Variants in CA10 observed in about 807,000 individuals in gnomAD.
The protein encoded by CA10 is carbonic anhydrase 10 (inactive).
In CA10, 14 loss-of-function variants were observed where a neutral mutation model predicts 44.2. The ratio of observed to expected loss-of-function variants is 0.32; its 90% CI spans 0.21 to 0.50. CA10 has a LOEUF of 0.50. CA10 is among the 20% of genes least tolerant of loss of function. The probability of loss-of-function intolerance (pLI) is 0.99; values close to 1 mark genes in which losing one functional copy is unlikely to be tolerated. For synonymous variants in CA10, 159 were observed against 141.6 expected (o/e 1.12, Z -0.87); for missense variants, 350 against 409.7 (o/e 0.85, Z 1.26).
chr17:52,118,396 C>T (rs926619135), intron 1 of CA10, among the ~76,000 whole-genome samples: 15 of 152,094 alleles, frequency 9.9e-5, no homozygotes, highest in Admixed American at 7.9e-4. Flanking sequence ...CCTAAGTCAT[C>T]GTTTTGGCAA....
chr17:51,708,911 C>G (rs956549776), intron 4 of CA10, among the ~76,000 whole-genome samples: 1 of 152,234 alleles, frequency 6.6e-6, no homozygotes, highest in African/African-American at 2.4e-5. Flanking sequence ...GAAAGCTGCA[C>G]TCTGTCATCT....
At chr17:51,748,746 C>A (rs955336832) in intron 3 of CA10, among the ~76,000 whole-genome samples, 4 of 152,190 alleles carry the variant, frequency 2.6e-5, no homozygotes, top group African/African-American at 9.7e-5. Flanking sequence ...GCCAAGCCTT[C>A]AGCCCTAGTG....
chr17:51,868,654 C>T (rs1979660385), intron 3 of CA10, among the ~76,000 whole-genome samples: 1 of 152,098 alleles, frequency 6.6e-6, no homozygotes, highest in Non-Finnish European at 1.5e-5. Flanking sequence ...GTTTTTTTCT[C>T]TCCCTAGTCC....
chr17:51,648,778 G>A (rs542106689), intron 6 of CA10, among the ~76,000 whole-genome samples: 1 of 152,252 alleles, frequency 6.6e-6, no homozygotes, highest in South Asian at 2.1e-4. Context: ...ACAGAGAAAT[G>A]GTCTAGCCGA....
chr17:51,785,618 T>A (rs1917995), intron 3 of CA10, among the ~76,000 whole-genome samples: 114,761 of 152,104 alleles, frequency 0.75, 43,609 homozygotes, highest in East Asian at 0.91. Flanking sequence ...GGTTCCTCAA[T>A]AAAAACCAAA....
intron 4 of CA10, among the ~76,000 whole-genome samples, chr17:51,694,254 T>G (rs1915325355): frequency 3.3e-5 from 5 of 152,078 alleles, no homozygotes; most frequent in African/African-American, 9.7e-5. Flanking sequence ...GTGGCAGAAC[T>G]AATTTACATT....
In CA10 at chr17:52,102,314, A is replaced by T. The variant is rs150839990; in HGVS notation, c.62-29921T>A. Among the ~76,000 whole-genome samples, 29 of 152,290 alleles carry T rather than the reference A, an allele frequency of 1.9e-4. No individual in the cohort carries two copies. In the East Asian group the frequency reaches 5.4e-3, roughly 28 times the overall value. On this transcript the variant is annotated intron_variant, in intron 1 of 8. Transcript: ENST00000451037. ...GTCCTTGAGGTCTCTACCTTTTCTCATCTCCTTAGTAAACAACTTTGCTGA... is the reference window on the plus strand; with the variant it reads ...GTCCTTGAGGTCTCTACCTTTTCTCTTCTCCTTAGTAAACAACTTTGCTGA...
rs78364629 is a variant in CA10, at chr17:51,646,289, A to T, written c.634+2893T>A. The stretch of plus-strand genomic sequence containing the variant: ...CGTGAGCACTAGGTAAGGAGCCTGT[A>T]TGTAAAGCATAGACCTTGGTGTGTG... On this transcript the variant is annotated intron_variant, in intron 6 of 8. Coordinates refer to ENST00000451037, the MANE Select transcript of CA10 (RefSeq NM_020178.5). Among the ~76,000 whole-genome samples the T allele has an allele frequency of 4.1e-3, 630 of 152,324 alleles. 5 individuals carry two copies. The highest frequency in any genetic ancestry group is 0.014 in the African/African-American group (588 of 41,566).
intron 8 of CA10, 55 bp from the exon 9 acceptor site, chr17:51,631,661 T>G: frequency 3.5e-6 from 5 of 1,448,132 alleles, no homozygotes; most frequent in Non-Finnish European, 4.8e-6. Context: ...AAACGAGGCA[T>G]ACTCAATTAA....
Position 51,827,203 on chromosome 17 carries a change from A to C in CA10, c.280-79385T>G, listed in dbSNP as rs576720026. On this transcript the variant is annotated intron_variant, in intron 3 of 8. Coordinates refer to ENST00000451037, the MANE Select transcript of CA10 (RefSeq NM_020178.5). ...AGTAGTGACATAAAAATTATTTTCC[A>C]ATACCTTTGGGAGACACAAAGTTAA... 3.4e-4 allele frequency among the ~76,000 whole-genome samples: 52 copies of C among 152,264 alleles called. 1 individual carries two copies. The highest frequency in any genetic ancestry group is 1.2e-3 in the African/African-American group (51 of 41,546).
At chr17:51,876,283 C>T (rs572273355) in intron 3 of CA10, among the ~76,000 whole-genome samples, 4 of 149,674 alleles carry the variant, frequency 2.7e-5, no homozygotes, top group South Asian at 4.3e-4. Flanking sequence ...CCTCCCACCT[C>T]GGCCTCTTGA....
intron 2 of CA10, among the ~76,000 whole-genome samples, chr17:51,934,718 G>T (rs1016129163): frequency 9.2e-5 from 14 of 152,086 alleles, no homozygotes; most frequent in African/African-American, 3.4e-4. Flanking sequence ...CACACAAAGA[G>T]CTGCTCCAGG....
chr17:51,864,023 C>T (rs2143846497), intron 3 of CA10, among the ~76,000 whole-genome samples: 1 of 152,250 alleles, frequency 6.6e-6, no homozygotes, highest in East Asian at 1.9e-4. Flanking sequence ...CAGCTCAAAG[C>T]CCCAGCCTTC....
chr17:51,860,737 G>A (rs1162270501), intron 3 of CA10, among the ~76,000 whole-genome samples: 1 of 152,076 alleles, frequency 6.6e-6, no homozygotes, highest in Admixed American at 6.6e-5. Flanking sequence ...TCTGCTATGT[G>A]TCTATAATAA....
intron 1 of CA10, among the ~76,000 whole-genome samples, chr17:52,074,537 C>T (rs917150890): frequency 1.3e-5 from 2 of 152,092 alleles, no homozygotes; most frequent in African/African-American, 4.8e-5. Flanking sequence ...CTTTATTCTA[C>T]GAGACAGTCA....
chr17:51,666,419 G>A (rs546293342), intron 4 of CA10, among the ~76,000 whole-genome samples: 2 of 152,310 alleles, frequency 1.3e-5, no homozygotes, highest in South Asian at 4.1e-4. Flanking sequence ...GAAGGGGGTT[G>A]TACGTGCAGG....
rs139762793 is a variant in CA10 at position 51,688,484 on chromosome 17, T to C, written c.466-34748A>G. On this transcript the variant is annotated intron_variant, in intron 4 of 8. Coordinates refer to ENST00000451037, the MANE Select transcript of CA10 (RefSeq NM_020178.5). ...TTAACCACTAAACATCTCTAAGCTT[T>C]AGCTTTCTTGTCTATAACATAGAAA... is the stretch of plus-strand genomic sequence containing the variant. 2.8e-3 allele frequency among the ~76,000 whole-genome samples: 429 copies of C among 152,354 alleles called. 2 individuals are homozygous for C. Among genetic ancestry groups the C allele is most frequent in the Non-Finnish European group, 4.5e-3 (308 of 68,024 alleles).
At chr17:51,768,321 C>T (rs753612025) in intron 3 of CA10, among the ~76,000 whole-genome samples, 1 of 152,074 alleles carries the variant, frequency 6.6e-6, no homozygotes. Flanking sequence ...CTTTCAAAAG[C>T]GACTCTCCAT....
chr17:51,682,019 C>A (rs1342644528), intron 4 of CA10, among the ~76,000 whole-genome samples: 1 of 152,214 alleles, frequency 6.6e-6, no homozygotes, highest in Non-Finnish European at 1.5e-5. Flanking sequence ...AATCTCCAAG[C>A]TCTATGGTCT....
Sources: gnomAD v4.1 joint callset for allele counts (sites outside exome capture counted in the v4.1 genomes callset) on GRCh38, gnomAD v4.1.1 for gene constraint, MANE v1.5 for transcripts, NCBI Gene and HGNC (gene_info 2026-07-23, HGNC 2026-07-21) for gene names.